Variants in MMS19 observed in about 807,000 individuals in gnomAD.
MMS19 encodes the protein MMS19 cytosolic iron-sulfur assembly component.
Under a neutral mutation model 129.8 loss-of-function variants are expected in MMS19, and 77 were observed. The observed-to-expected ratio is 0.59, with a 90% confidence interval of 0.49 to 0.72. MMS19 has a LOEUF of 0.72. Among genes scored for constraint, MMS19 ranks in the 30% least tolerant of loss-of-function variants. The pLI is 0.00. For missense variants in MMS19, 1,168 were observed against 1,266.3 expected, an observed-to-expected ratio of 0.92 and a Z score of 1.18; for synonymous variants, 491 against 502.8, an observed-to-expected ratio of 0.98 and a Z score of 0.31.
chr10:97,470,695 T>C, intron 9 of MMS19, 80 bp downstream of exon 9: 3 of 885,448 alleles, frequency 3.4e-6, no homozygotes, highest in Non-Finnish European at 5.5e-6. Flanking sequence ...CCAGATATTT[T>C]TTTCTCCATG....
chr10:97,461,124 A>G (rs2031762885), intron 23 of MMS19, 117 bp from the exon 24 acceptor site: 1 of 858,394 alleles, frequency 1.2e-6, no homozygotes, highest in African/African-American at 1.7e-5. Flanking sequence ...GGAAAATATC[A>G]TTTTTGCCTG....
chr10:97,481,372 G>T (rs1367072539), intron 2 of MMS19, among the ~76,000 whole-genome samples: 1 of 152,144 alleles, frequency 6.6e-6, no homozygotes, highest in African/African-American at 2.4e-5. Flanking sequence ...TGGTATGATT[G>T]TGACATTCCT....
At chr10:97,469,917 G>A (rs1305983438) in intron 10 of MMS19, among the ~76,000 whole-genome samples, 194 bp from the exon 11 acceptor site, 1 of 152,184 alleles carries the variant, frequency 6.6e-6, no homozygotes, top group African/African-American at 2.4e-5. Context: ...TAAAGAGGGA[G>A]TCCTGGTCAG....
chr10:97,493,329 A>C (rs2039249036), intron 1 of MMS19, among the ~76,000 whole-genome samples: 1 of 152,186 alleles, frequency 6.6e-6, no homozygotes, highest in South Asian at 2.1e-4. Flanking sequence ...CATTTAAAAC[A>C]ATCACAGTAG....
chr10:97,485,206 G>A (rs2037604551), intron 1 of MMS19, among the ~76,000 whole-genome samples: 1 of 151,762 alleles, frequency 6.6e-6, no homozygotes, highest in Non-Finnish European at 1.5e-5. Context: ...TCGGCTTGCT[G>A]CAACCTCCAC....
In MMS19 at chr10:97,477,990, A is replaced by G. The variant is rs374947567; in HGVS notation, c.349-61T>C. On this transcript the variant is annotated intron_variant, in intron 4 of 30. Transcript: ENST00000438925. ...AATTGCAGCATGGCCTCCAAGACAC[A>G]ACCCTACGACAGGCCTAATTAGCTA... 6.9e-6 allele frequency: 8 copies of G among 1,155,268 alleles called. No individual in the cohort carries two copies. The African/African-American group carries it at 1.2e-4, about 18-fold the overall frequency. The allele number at this position is 1,155,268 out of a possible 1,614,324, so 71.6% of individuals were successfully genotyped here.
chr10:97,497,017 T>A (rs926191477), intron 1 of MMS19, among the ~76,000 whole-genome samples: 1 of 152,210 alleles, frequency 6.6e-6, no homozygotes, highest in Non-Finnish European at 1.5e-5. Context: ...AAAATGACAT[T>A]GGTAAGACAC....
intron 1 of MMS19, among the ~76,000 whole-genome samples, chr10:97,496,951 T>C (rs2039910722): frequency 6.6e-6 from 1 of 152,252 alleles, no homozygotes. Flanking sequence ...GTGCTCCTTA[T>C]AAAATTCTTT....
At chr10:97,467,142 C>A (rs1464187242) in intron 14 of MMS19, among the ~76,000 whole-genome samples, 1 of 152,146 alleles carries the variant, frequency 6.6e-6, no homozygotes, top group Non-Finnish European at 1.5e-5. Flanking sequence ...ACAGGCCTGG[C>A]TAATTTTTGT....
rs2135418112 is a variant in MMS19 at position 97,478,889 on chromosome 10, AGAT to A, written c.263-503_263-501del. ...TGTGTATCTATTTTTAAATTTATAT[AGAT>A]GATATTATACTAAACACAAATACCC... is the stretch of plus-strand genomic sequence containing the variant. On this transcript the variant is annotated intron_variant, in intron 3 of 30. Transcript: ENST00000438925. Among the ~76,000 whole-genome samples, 3 of 152,292 alleles carry A rather than the reference AGAT, an allele frequency of 2.0e-5. No individual in the cohort carries two copies. In the East Asian group the frequency reaches 5.8e-4, roughly 29 times the overall value.
chr10:97,459,257 C>G lies in MMS19; in HGVS notation c.2930G>C (p.Cys977Ser). ...SMAVRIAALQ[C>S]MHALTRLPTP... ...GGGCAGGCGAGTGAGAGCATGCATG[C>G]ACTGCAGTGCGGCGATCCGGACAGC... The change falls in exon 29 of 31, where the codon TGC becomes TCC. Residue 977 changes from cysteine to serine, a missense_variant. Cys to Ser is a moderately radical substitution (Grantham distance 112). Transcript: ENST00000438925. The G allele has an allele frequency of 1.2e-6, 2 of 1,613,180 alleles. No homozygotes were observed. The highest frequency in any genetic ancestry group is 2.7e-5 in the African/African-American group (2 of 75,034).
chr10:97,484,710 G>A (rs921774982), intron 1 of MMS19, among the ~76,000 whole-genome samples: 1 of 152,188 alleles, frequency 6.6e-6, no homozygotes, highest in Admixed American at 6.5e-5. Context: ...GAGGTCAGGA[G>A]ATCGAGACCA....
chr10:97,470,046 T>C (rs1356135560), intron 10 of MMS19, 83 bp downstream of exon 10: 13 of 1,000,702 alleles, frequency 1.3e-5, no homozygotes, highest in Non-Finnish European at 1.9e-5. Flanking sequence ...GAACTGTTCC[T>C]TGGCTATCCT....
Position 97,472,257 on chromosome 10 carries a change from G to A in MMS19, c.685-1396C>T, listed in dbSNP as rs374817720. 2.6e-4 allele frequency among the ~76,000 whole-genome samples: 39 copies of A among 152,336 alleles called. No individual in the cohort carries two copies. The South Asian group carries it at 7.7e-3, about 30-fold the overall frequency. ...GATAACTAGGCTTATTTATTTATTTGAGATGGAGTTTTGCTCTTGTTACAC... is the reference window on the plus strand; with the variant it reads ...GATAACTAGGCTTATTTATTTATTTAAGATGGAGTTTTGCTCTTGTTACAC... On this transcript the variant is annotated intron_variant, in intron 8 of 30. Transcript: ENST00000438925.
chr10:97,468,238 T>G lies in MMS19; in HGVS notation c.1218+14A>C, dbSNP rs1397273965. 1.3e-6 allele frequency: 2 copies of G among 1,535,208 alleles called. No homozygotes were observed. Among genetic ancestry groups the G allele is most frequent in the East Asian group, 2.4e-5 (1 of 41,834 alleles). The stretch of plus-strand genomic sequence containing the variant: ...CAGGTCCCATCATTTCCCCCAAAGA[T>G]TCTGCTCCCTTACCTGACTGTGCTT... On this transcript the variant is annotated intron_variant, in intron 13 of 30. Transcript: ENST00000438925.
At chr10:97,479,270 T>G (rs2036322985) in intron 3 of MMS19, among the ~76,000 whole-genome samples, 1 of 152,176 alleles carries the variant, frequency 6.6e-6, no homozygotes, top group African/African-American at 2.4e-5. Context: ...CCGTATCATT[T>G]TGGTGTGTTG....
At chr10:97,478,810 T>C (rs1280073801) in intron 3 of MMS19, among the ~76,000 whole-genome samples, 1 of 152,218 alleles carries the variant, frequency 6.6e-6, no homozygotes, top group East Asian at 1.9e-4. Flanking sequence ...TAAAAGTTTA[T>C]AAAAACAGGT....
In MMS19 at chr10:97,459,667, G is replaced by T; in HGVS notation, c.2731C>A (p.Leu911Met). ...RLPKPVLLPE[L>M]PTLLSLLLEA... ...CTGCCTGTGGGACTTACCGTGGGCA[G>T]CTCTGGCAAGAGTACAGGCTTGGGC... The change falls in exon 27 of 31, where the codon CTG (leucine) becomes ATG (methionine). Residue 911 changes from leucine to methionine, a missense_variant. Physicochemically the swap from Leu to Met is conservative, Grantham distance 15. Transcript: ENST00000438925. 6.2e-7 allele frequency: 1 copy of T among 1,611,982 alleles called. No homozygotes were observed. The highest frequency in any genetic ancestry group is 8.5e-7 in the Non-Finnish European group (1 of 1,178,980).
intron 2 of MMS19, among the ~76,000 whole-genome samples, chr10:97,482,295 G>A (rs1049095809): frequency 3.9e-5 from 6 of 152,316 alleles, no homozygotes; most frequent in South Asian, 2.1e-4. Context: ...CCAGATGTCC[G>A]TCCACTGATA....
Sources: gnomAD v4.1 joint callset for allele counts (sites outside exome capture counted in the v4.1 genomes callset) on GRCh38, gnomAD v4.1.1 for gene constraint, MANE v1.5 for transcripts, NCBI Gene and HGNC (gene_info 2026-07-23, HGNC 2026-07-21) for gene names.